Variants in DACH1 observed in about 807,000 individuals in gnomAD.
The protein encoded by DACH1 is dachshund family transcription factor 1, also known as dachshund homolog 1.
DACH1 carries 12 observed loss-of-function variants against 54.2 expected under a neutral mutation model. The observed-to-expected ratio is 0.22, with a 90% CI of 0.14 to 0.36. DACH1 has a LOEUF of 0.36. Among genes scored for constraint, DACH1 ranks in the 10% least tolerant of loss-of-function variants. DACH1 has a pLI of 1.00. For synonymous variants in DACH1, 386 were observed against 366.2 expected, an observed-to-expected ratio of 1.05 and a Z score of -0.62; for missense variants, 805 against 929.8, an observed-to-expected ratio of 0.87 and a Z score of 1.75.
chr13:71,699,564 A>G (rs1701213098), intron 1 of DACH1, among the ~76,000 whole-genome samples: 1 of 152,192 alleles, frequency 6.6e-6, no homozygotes, highest in African/African-American at 2.4e-5. Context: ...TCTACCTTGA[A>G]TGGGTGGTGT....
Position 71,597,143 on chromosome 13 carries a change from G to A in DACH1, c.1127-24131C>T, listed in dbSNP as rs184833534. ...TAAGCTATGATTTTTGTGATGTAGC[G>A]TGAATTGAGGGTTTTTCTGAGCTAG... On this transcript the variant is annotated intron_variant, in intron 3 of 10. Coordinates refer to ENST00000613252, the MANE Select transcript of DACH1 (RefSeq NM_080759.6). Among the ~76,000 whole-genome samples the A allele has an allele frequency of 7.2e-5, 11 of 152,184 alleles. No individual in the cohort carries two copies. The East Asian group carries it at 7.8e-4, about 11-fold the overall frequency.
intron 1 of DACH1, among the ~76,000 whole-genome samples, chr13:71,693,541 A>G (rs1373680556): frequency 7.2e-6 from 1 of 139,218 alleles, no homozygotes; most frequent in Admixed American, 7.6e-5. Context: ...GATGGTCTCG[A>G]TCTCCTGACC....
intron 6 of DACH1, among the ~76,000 whole-genome samples, chr13:71,549,420 G>A (rs566050305): frequency 3.9e-5 from 6 of 152,050 alleles, no homozygotes; most frequent in South Asian, 4.1e-4. Flanking sequence ...TTTTAAATGC[G>A]GAAAAGGCAT....
chr13:71,832,882 T>C (rs1566530302), intron 1 of DACH1, among the ~76,000 whole-genome samples: 1 of 151,988 alleles, frequency 6.6e-6, no homozygotes, highest in African/African-American at 2.4e-5. Context: ...ACTCCTACTA[T>C]TCTAAAAAGA....
At chr13:71,613,915 T>C (rs1875540329) in intron 3 of DACH1, among the ~76,000 whole-genome samples, 2 of 152,164 alleles carry the variant, frequency 1.3e-5, no homozygotes, top group African/African-American at 4.8e-5. Context: ...TTTCACCATG[T>C]TGCCCAGGCT....
chr13:71,453,468 A>G (rs1471264239), intron 10 of DACH1, among the ~76,000 whole-genome samples: 1 of 152,170 alleles, frequency 6.6e-6, no homozygotes, highest in Non-Finnish European at 1.5e-5. Flanking sequence ...TCCTGTGAAT[A>G]AATTGAGATG....
At chr13:71,701,141 TGCAA>T (rs1286497960) in intron 1 of DACH1, among the ~76,000 whole-genome samples, 8 of 152,180 alleles carry the variant, frequency 5.3e-5, no homozygotes, top group African/African-American at 1.9e-4. Context: ...TTAACTGATA[TGCAA>T]GCAAGGATAG....
intron 1 of DACH1, among the ~76,000 whole-genome samples, chr13:71,744,090 G>A (rs911414169): frequency 6.6e-6 from 1 of 152,112 alleles, no homozygotes; most frequent in Non-Finnish European, 1.5e-5. Flanking sequence ...TTTACTAAAA[G>A]CATTGCACTT....
intron 6 of DACH1, among the ~76,000 whole-genome samples, chr13:71,506,094 C>T (rs1045668062): frequency 1.3e-5 from 2 of 151,586 alleles, no homozygotes; most frequent in Non-Finnish European, 2.9e-5. Flanking sequence ...AAAAATATTA[C>T]ATTTACATGC....
Position 71,700,422 on chromosome 13 carries a change from G to A in DACH1, c.849-18512C>T, listed in dbSNP as rs1814255181. 2.0e-5 allele frequency among the ~76,000 whole-genome samples: 3 copies of A among 151,928 alleles called. No individual in the cohort carries two copies. The South Asian group carries it at 6.2e-4, about 32-fold the overall frequency. On this transcript the variant is annotated intron_variant, in intron 1 of 10. Coordinates refer to ENST00000613252, the MANE Select transcript of DACH1 (RefSeq NM_080759.6). ...AACACAAAAATTAGCCGGGGGTGGT[G>A]ACGCACGGCTGTATTCTCAGCTACT...
intron 7 of DACH1, 58 bp downstream of exon 7, chr13:71,488,939 A>G: frequency 6.5e-7 from 1 of 1,549,630 alleles, no homozygotes; most frequent in Non-Finnish European, 8.7e-7. Context: ...TTTTGGAAAA[A>G]AAAAATCTAC....
At chr13:71,781,993 C>T (rs890075340) in intron 1 of DACH1, among the ~76,000 whole-genome samples, 2 of 152,182 alleles carry the variant, frequency 1.3e-5, no homozygotes, top group Non-Finnish European at 2.9e-5. Flanking sequence ...ACCAATTTCT[C>T]AACTAGACAT....
intron 6 of DACH1, among the ~76,000 whole-genome samples, chr13:71,537,473 G>T (rs1447256470): frequency 1.3e-5 from 2 of 152,126 alleles, no homozygotes; most frequent in East Asian, 3.9e-4. Context: ...TGAGAGCAGG[G>T]GATTTGTTGA....
intron 3 of DACH1, among the ~76,000 whole-genome samples, chr13:71,605,289 C>A (rs563377241): frequency 6.6e-6 from 1 of 151,560 alleles, no homozygotes; most frequent in Non-Finnish European, 1.5e-5. Flanking sequence ...TTCTTCATAT[C>A]GGGAATATAT....
chr13:71,790,927 G>A (rs1261514394), intron 1 of DACH1, among the ~76,000 whole-genome samples: 1 of 152,150 alleles, frequency 6.6e-6, no homozygotes, highest in East Asian at 1.9e-4. Context: ...TTGAAGTATA[G>A]GCTAAATGAT....
chr13:71,800,996 T>C (rs897317337), intron 1 of DACH1, among the ~76,000 whole-genome samples: 31 of 152,124 alleles, frequency 2.0e-4, no homozygotes, highest in African/African-American at 7.5e-4. Flanking sequence ...ATAGCAACTA[T>C]GTATTTTAAA....
intron 2 of DACH1, among the ~76,000 whole-genome samples, chr13:71,666,652 T>C (rs1879853702): frequency 1.3e-5 from 2 of 152,114 alleles, no homozygotes. Flanking sequence ...CCCTGCATGC[T>C]AGTTGATATG....
At chr13:71,572,280 G>A (rs959423717) in intron 4 of DACH1, among the ~76,000 whole-genome samples, 19 of 152,054 alleles carry the variant, frequency 1.2e-4, no homozygotes, top group African/African-American at 4.6e-4. Flanking sequence ...CAGGGATAGA[G>A]GAGACGGAAT....
At chr13:71,536,839 A>G (rs1297060240) in intron 6 of DACH1, among the ~76,000 whole-genome samples, 1 of 152,052 alleles carries the variant, frequency 6.6e-6, no homozygotes, top group Non-Finnish European at 1.5e-5. Context: ...CACCACTTCA[A>G]TCAATCCATT....
Sources: gnomAD v4.1 joint callset for allele counts (sites outside exome capture counted in the v4.1 genomes callset) on GRCh38, gnomAD v4.1.1 for gene constraint, MANE v1.5 for transcripts, NCBI Gene and HGNC (gene_info 2026-07-23, HGNC 2026-07-21) for gene names.